Variants in EIF4G3 observed in about 807,000 individuals in gnomAD.
EIF4G3 encodes the protein eukaryotic translation initiation factor 4 gamma 3, also known as eIF-4-gamma 3.
In EIF4G3, 34 loss-of-function variants were observed where a neutral mutation model predicts 186.4. That is an observed-to-expected ratio of 0.18 (90% CI 0.14 to 0.24). EIF4G3 has a LOEUF of 0.24. Among genes scored for constraint, EIF4G3 ranks in the 10% least tolerant of loss-of-function variants. EIF4G3 has a pLI of 1.00. For synonymous variants in EIF4G3, 673 were observed against 679.5 expected (o/e 0.99, Z 0.15); for missense variants, 1,536 against 1,948.5 (o/e 0.79, Z 3.99).
intron 12 of EIF4G3, among the ~76,000 whole-genome samples, chr1:20,954,487 G>T (rs998063125): frequency 8.0e-6 from 1 of 125,166 alleles, no homozygotes; most frequent in Non-Finnish European, 1.6e-5. Context: ...AGTGAGCCGA[G>T]ATCGCGCCAC....
chr1:21,048,937 C>T (rs892592773), intron 4 of EIF4G3, among the ~76,000 whole-genome samples: 4 of 152,216 alleles, frequency 2.6e-5, no homozygotes, highest in Admixed American at 2.6e-4. Flanking sequence ...CCACCTTAAC[C>T]GACTACAGAG....
At position 20,849,865 on chromosome 1, in the gene EIF4G3, G is replaced by A. The variant is rs145192014; in HGVS notation, c.3773-335C>T. ...TCCTGCACAGGTCAGGGCCCTGCTC[G>A]CCACTAAGCTTGAGCCACACTGATC... On this transcript the variant is annotated intron_variant, in intron 28 of 36. Coordinates refer to ENST00000602326, the MANE Select transcript of EIF4G3 (RefSeq NM_001391906.1). Among the ~76,000 whole-genome samples the A allele has an allele frequency of 3.2e-3, 487 of 152,198 alleles. 2 individuals carry two copies. The highest frequency in any genetic ancestry group is 6.8e-3 in the Middle Eastern group (2 of 294).
At chr1:21,109,268 T>G (rs1262270884) in intron 2 of EIF4G3, among the ~76,000 whole-genome samples, 12 of 152,228 alleles carry the variant, frequency 7.9e-5, no homozygotes, top group Admixed American at 7.9e-4. Context: ...GCCCTGCTCA[T>G]GATGTTTATT....
At chr1:20,849,046 CAAAAAAAAAAA>C (rs60344352) in intron 29 of EIF4G3, among the ~76,000 whole-genome samples, 7 of 17,400 alleles carry the variant, frequency 4.0e-4, no homozygotes, top group Non-Finnish European at 7.7e-4. Context: ...GACTCTGTCT[CAAAAAAAAAAA>C]AAAAAAAAAA....
chr1:20,933,053 A>G (rs2095386984), intron 14 of EIF4G3, among the ~76,000 whole-genome samples: 1 of 152,184 alleles, frequency 6.6e-6, no homozygotes, highest in South Asian at 2.1e-4. Flanking sequence ...CTGACGATGC[A>G]GAGGTATGAG....
rs1422458557 is a variant in EIF4G3 at position 21,108,158 on chromosome 1, C to G, written c.-271-18945G>C. On this transcript the variant is annotated intron_variant, in intron 2 of 36. Transcript: ENST00000602326. ...CACTGCACATAGCAAGGCCCTGTCT[C>G]AAAGAAACAAACAAAAAATACAATC... Among the ~76,000 whole-genome samples the G allele has an allele frequency of 2.6e-5, 4 of 152,032 alleles. No individual in the cohort carries two copies. The South Asian group carries it at 8.3e-4, about 32-fold the overall frequency.
chr1:21,131,321 G>GAA (rs201823220), intron 2 of EIF4G3, among the ~76,000 whole-genome samples: 11 of 120,784 alleles, frequency 9.1e-5, no homozygotes, highest in Admixed American at 2.5e-4. Flanking sequence ...ACATAGGGAA[G>GAA]AAAAAAAAAA....
intron 2 of EIF4G3, among the ~76,000 whole-genome samples, chr1:21,154,784 T>C (rs1456767264): frequency 1.3e-5 from 2 of 152,210 alleles, no homozygotes; most frequent in African/African-American, 2.4e-5. Context: ...TCTCCATCTA[T>C]ATATCTCTTT....
chr1:21,051,389 A>G (rs1202845591), intron 3 of EIF4G3, among the ~76,000 whole-genome samples: 1 of 152,224 alleles, frequency 6.6e-6, no homozygotes, highest in African/African-American at 2.4e-5. Context: ...TTTGAGGGTG[A>G]CAGAACTGTT....
chr1:20,969,641 G>A (rs779806041), intron 11 of EIF4G3, 45 bp from the exon 12 acceptor site: 4 of 1,592,194 alleles, frequency 2.5e-6, no homozygotes, highest in African/African-American at 1.3e-5. Flanking sequence ...GAGTGTCTGT[G>A]TAGCAAATTT....
At chr1:20,818,883 T>G (rs544350174) in intron 33 of EIF4G3, among the ~76,000 whole-genome samples, 107 of 152,322 alleles carry the variant, frequency 7.0e-4, no homozygotes, top group African/African-American at 2.4e-3. Flanking sequence ...ATCTGATTGT[T>G]CCGTTTCTAC....
At chr1:20,881,019 G>A (rs1406306051) in intron 19 of EIF4G3, among the ~76,000 whole-genome samples, 1 of 151,944 alleles carries the variant, frequency 6.6e-6, no homozygotes, top group Non-Finnish European at 1.5e-5. Flanking sequence ...AACCCTAGAA[G>A]AGCCTAAATA....
At chr1:21,116,753 C>T (rs1406479882) in intron 2 of EIF4G3, among the ~76,000 whole-genome samples, 7 of 151,022 alleles carry the variant, frequency 4.6e-5, no homozygotes, top group Non-Finnish European at 8.8e-5. Flanking sequence ...GCAGGAGAAA[C>T]GCTTGAACCC....
At chr1:21,120,840 T>C (rs1365230130) in intron 2 of EIF4G3, among the ~76,000 whole-genome samples, 1 of 152,200 alleles carries the variant, frequency 6.6e-6, no homozygotes, top group African/African-American at 2.4e-5. Context: ...CCTTCTTTTT[T>C]ACTTTTTACT....
intron 19 of EIF4G3, among the ~76,000 whole-genome samples, chr1:20,884,414 A>T (rs991285873): frequency 6.6e-6 from 1 of 152,158 alleles, no homozygotes; most frequent in Non-Finnish European, 1.5e-5. Flanking sequence ...TCCTCATTAT[A>T]GGTACAGTAA....
In EIF4G3 at chr1:20,848,002, T is replaced by A. The variant is rs148525907; in HGVS notation, c.3888+1413A>T. 27 of 359,088 alleles carry A rather than the reference T, an allele frequency of 7.5e-5. No homozygotes were observed. In the East Asian group the frequency reaches 2.2e-3, roughly 29 times the overall value. The allele number at this position is 359,088 out of a possible 1,614,324, so 22.2% of individuals were successfully genotyped here. On this transcript the variant is annotated intron_variant, in intron 29 of 36. Coordinates refer to ENST00000602326, the MANE Select transcript of EIF4G3 (RefSeq NM_001391906.1). The stretch of plus-strand genomic sequence containing the variant: ...TTGTTTGTTTGAGACAGTCTCACTC[T>A]GTCACCCAGGATGGAATGCAGTGGA...
intron 29 of EIF4G3, among the ~76,000 whole-genome samples, chr1:20,843,606 T>C (rs1215213278): frequency 6.6e-6 from 1 of 152,204 alleles, no homozygotes; most frequent in Non-Finnish European, 1.5e-5. Context: ...TCATTCACTG[T>C]GTTTGCATAA....
chr1:21,085,681 G>A (rs1197223708), intron 3 of EIF4G3, among the ~76,000 whole-genome samples: 1 of 152,042 alleles, frequency 6.6e-6, no homozygotes, highest in Non-Finnish European at 1.5e-5. Context: ...ACAGGTAGGA[G>A]ACAGCACAAT....
chr1:21,055,521 G>A (rs956463686), intron 3 of EIF4G3, among the ~76,000 whole-genome samples: 3 of 152,044 alleles, frequency 2.0e-5, no homozygotes, highest in African/African-American at 7.2e-5. Flanking sequence ...TATTGGCAGG[G>A]ATCTAAGGAA....
Sources: gnomAD v4.1 joint callset for allele counts (sites outside exome capture counted in the v4.1 genomes callset) on GRCh38, gnomAD v4.1.1 for gene constraint, MANE v1.5 for transcripts, NCBI Gene and HGNC (gene_info 2026-07-23, HGNC 2026-07-21) for gene names.